The following RGS6 variants were observed in gnomAD, a reference collection of about 807,000 sequenced individuals.
The protein encoded by RGS6 is regulator of G-protein signaling 6.
RGS6 carries 30 observed loss-of-function variants against 78.5 expected under a neutral mutation model. The observed-to-expected ratio is 0.38, with a 90% CI of 0.29 to 0.52. The LOEUF (loss-of-function observed/expected upper bound fraction) is 0.52. RGS6 is among the 20% of genes least tolerant of loss of function. The pLI is 0.85. For synonymous variants in RGS6, 206 were observed against 206.0 expected, an observed-to-expected ratio of 1.00 and a Z score of 0.00; for missense variants, 495 against 609.7, an observed-to-expected ratio of 0.81 and a Z score of 1.98.
At chr14:72,398,396 T>C (rs936934558) in intron 3 of RGS6, among the ~76,000 whole-genome samples, 3 of 152,350 alleles carry the variant, frequency 2.0e-5, no homozygotes, top group African/African-American at 7.2e-5. Context: ...TCAGTGGTGA[T>C]ATCCCCTTTA....
At chr14:72,265,957 C>G (rs2058998488) in intron 2 of RGS6, among the ~76,000 whole-genome samples, 1 of 149,796 alleles carries the variant, frequency 6.7e-6, no homozygotes, top group African/African-American at 2.5e-5. Flanking sequence ...GGGCGGGAGG[C>G]AGGTGGGAGG....
intron 2 of RGS6, among the ~76,000 whole-genome samples, chr14:72,038,381 C>A (rs894426876): frequency 2.0e-4 from 30 of 152,120 alleles, no homozygotes; most frequent in African/African-American, 7.2e-4. Flanking sequence ...ATTCTTGTTT[C>A]TTTGCCTTTC....
the RGS6 span, chr14:72,619,487 TC>T: frequency 8.7e-7 from 1 of 1,151,052 alleles, no homozygotes; most frequent in Non-Finnish European, 1.2e-6. Context: ...AGAAACCAAG[TC>T]CCAGGCCTGA....
At position 72,088,179 on chromosome 14, in the gene RGS6, G is replaced by C. The variant is rs1046818828; in HGVS notation, c.84+123304G>C. On this transcript the variant is annotated intron_variant, in intron 2 of 17. Coordinates refer to ENST00000553525, the MANE Select transcript of RGS6 (RefSeq NM_001204424.2). ...TTGCCAGTCACCTGAGCTACCTTTG[G>C]GGGTAGGGTTTTGATTAAATGGCAC... Among the ~76,000 whole-genome samples the C allele has an allele frequency of 2.0e-5, 3 of 152,294 alleles. 1 individual carries two copies. Among genetic ancestry groups the C allele is most frequent in the Admixed American group, 2.0e-4 (3 of 15,302 alleles).
At chr14:71,986,712 A>G (rs2094725814) in intron 2 of RGS6, among the ~76,000 whole-genome samples, 1 of 152,184 alleles carries the variant, frequency 6.6e-6, no homozygotes, top group Non-Finnish European at 1.5e-5. Flanking sequence ...CCCTGTCTCA[A>G]AAAACAAAAA....
chr14:72,599,416 T>G, the RGS6 span, among the ~76,000 whole-genome samples: 435 of 127,052 alleles, frequency 3.4e-3, 16 homozygotes, highest in African/African-American at 0.013. Context: ...TTTTTTTTTT[T>G]TTTTTTTTTT....
chr14:72,089,328 G>A (rs2095178332), intron 2 of RGS6, among the ~76,000 whole-genome samples: 1 of 152,202 alleles, frequency 6.6e-6, no homozygotes, highest in African/African-American at 2.4e-5. Context: ...TACAAAGGAT[G>A]GAAAATAAGT....
chr14:72,508,887 G>A (rs1209372746), intron 13 of RGS6, among the ~76,000 whole-genome samples: 2 of 152,018 alleles, frequency 1.3e-5, no homozygotes, highest in African/African-American at 4.8e-5. Context: ...TGTGACTTGT[G>A]AGTTAGGACC....
intron 2 of RGS6, among the ~76,000 whole-genome samples, chr14:72,251,285 AT>A (rs979467850): frequency 1.3e-5 from 2 of 152,176 alleles, no homozygotes; most frequent in African/African-American, 4.8e-5. Context: ...TATGGTCAGA[AT>A]TTTGCTTTCT....
intron 1 of RGS6, among the ~76,000 whole-genome samples, chr14:71,962,167 G>C (rs1027728145): frequency 3.3e-5 from 5 of 152,166 alleles, no homozygotes; most frequent in Non-Finnish European, 7.3e-5. Context: ...TACTGAATAC[G>C]AGGCTTACTA....
chr14:72,134,649 A>G (rs1255452289), intron 2 of RGS6, among the ~76,000 whole-genome samples: 1 of 152,180 alleles, frequency 6.6e-6, no homozygotes, highest in East Asian at 1.9e-4. Flanking sequence ...GGCTCATGTG[A>G]TGATGAAAGC....
At chr14:72,096,928 A>C (rs527941880) in intron 2 of RGS6, among the ~76,000 whole-genome samples, 1 of 152,332 alleles carries the variant, frequency 6.6e-6, no homozygotes, top group African/African-American at 2.4e-5. Flanking sequence ...GGGGATTGAA[A>C]GGGTTATCAA....
chr14:71,873,746 G>A, the RGS6 span, among the ~76,000 whole-genome samples: 4 of 152,140 alleles, frequency 2.6e-5, no homozygotes, highest in Admixed American at 6.6e-5. Context: ...TATTGCCTAG[G>A]TTTTCTTCTA....
intron 2 of RGS6, among the ~76,000 whole-genome samples, chr14:72,179,402 A>G (rs1416763344): frequency 6.6e-6 from 1 of 152,214 alleles, no homozygotes; most frequent in Non-Finnish European, 1.5e-5. Flanking sequence ...CTCAGTTTAT[A>G]ATAGTGCCTG....
intron 15 of RGS6, among the ~76,000 whole-genome samples, chr14:72,530,947 C>T (rs898268739): frequency 2.6e-5 from 4 of 151,828 alleles, no homozygotes; most frequent in African/African-American, 4.8e-5. Context: ...CATGTATATT[C>T]GACTAATATC....
the RGS6 span, among the ~76,000 whole-genome samples, chr14:71,926,247 A>G: frequency 1.3e-5 from 2 of 152,210 alleles, no homozygotes; most frequent in South Asian, 4.1e-4. Context: ...AGGCATACTG[A>G]TTTCAAATTA....
At chr14:71,964,030 GTT>G (rs36072896) in intron 1 of RGS6, among the ~76,000 whole-genome samples, 1 of 147,476 alleles carries the variant, frequency 6.8e-6, no homozygotes, top group African/African-American at 2.5e-5. Context: ...CTTACTTGAG[GTT>G]TTTTTTTTTT....
At chr14:71,934,683 G>A (rs1036704400) in intron 1 of RGS6, among the ~76,000 whole-genome samples, 8 of 152,200 alleles carry the variant, frequency 5.3e-5, no homozygotes, top group African/African-American at 1.7e-4. Flanking sequence ...GAAGTAAGTA[G>A]ACGTTTCTTG....
chr14:72,428,972 G>A (rs761466213), intron 3 of RGS6, among the ~76,000 whole-genome samples: 16 of 152,146 alleles, frequency 1.1e-4, no homozygotes, highest in Admixed American at 9.2e-4. Flanking sequence ...AGGCCAAGGC[G>A]GGTGGATTGT....
Sources: gnomAD v4.1 joint callset for allele counts (sites outside exome capture counted in the v4.1 genomes callset) on GRCh38, gnomAD v4.1.1 for gene constraint, MANE v1.5 for transcripts, NCBI Gene and HGNC (gene_info 2026-07-23, HGNC 2026-07-21) for gene names.